PCDH15: variants seen among roughly 807,000 people sequenced by gnomAD.
The protein encoded by PCDH15 is protocadherin-15.
A neutral mutation model predicts 178.5 loss-of-function variants in PCDH15; 129 were observed. That is an observed-to-expected ratio of 0.72 (90% CI 0.63 to 0.84). The LOEUF (loss-of-function observed/expected upper bound fraction) is 0.84. PCDH15 is among the 40% of genes least tolerant of loss of function. The probability of loss-of-function intolerance (pLI) is 0.00; values close to 1 mark genes in which losing one functional copy is unlikely to be tolerated. For synonymous variants in PCDH15, 800 were observed against 732.0 expected (o/e 1.09, Z -1.50); for missense variants, 2,230 against 2,099.9 (o/e 1.06, Z -1.21).
intron 1 of PCDH15, among the ~76,000 whole-genome samples, chr10:55,299,484 G>A (rs1466525259): frequency 6.6e-6 from 1 of 152,158 alleles, no homozygotes; most frequent in Non-Finnish European, 1.5e-5. Context: ...TGTTGACCTG[G>A]TTAATAGAAT....
intron 3 of PCDH15, among the ~76,000 whole-genome samples, chr10:54,411,472 T>G (rs150494111): frequency 1.3e-5 from 2 of 152,304 alleles, no homozygotes; most frequent in African/African-American, 4.8e-5. Flanking sequence ...TGAATCACAA[T>G]TCTATCAGTC....
intron 3 of PCDH15, among the ~76,000 whole-genome samples, chr10:54,425,567 G>T (rs907009339): frequency 5.9e-5 from 9 of 152,126 alleles, no homozygotes; most frequent in African/African-American, 2.2e-4. Flanking sequence ...GTCTTATCCT[G>T]AACTTTGTAA....
At chr10:54,712,694 CT>C (rs1204997834) in intron 1 of PCDH15, among the ~76,000 whole-genome samples, 5 of 151,892 alleles carry the variant, frequency 3.3e-5, no homozygotes, top group Non-Finnish European at 5.9e-5. Flanking sequence ...ACATTCTAAA[CT>C]AGAATTGGAG....
intron 1 of PCDH15, among the ~76,000 whole-genome samples, chr10:55,188,912 C>G (rs1030157429): frequency 6.6e-6 from 1 of 151,482 alleles, no homozygotes; most frequent in African/African-American, 2.4e-5. Flanking sequence ...ATTTTAGAAA[C>G]AGTTACATGG....
chr10:55,311,402 TG>T (rs1312915164), intron 1 of PCDH15, among the ~76,000 whole-genome samples: 1 of 152,180 alleles, frequency 6.6e-6, no homozygotes, highest in East Asian at 1.9e-4. Context: ...GCGGTGACTG[TG>T]GAACCTTGAT....
At chr10:54,595,768 A>G (rs2092200990) in intron 2 of PCDH15, among the ~76,000 whole-genome samples, 1 of 152,194 alleles carries the variant, frequency 6.6e-6, no homozygotes, top group African/African-American at 2.4e-5. Flanking sequence ...ACAAACAAAC[A>G]AAAAACATAA....
At chr10:55,336,143 A>AAAAAAAC (rs1844384942) in intron 2 of PCDH15, among the ~76,000 whole-genome samples, 2 of 149,854 alleles carry the variant, frequency 1.3e-5, no homozygotes, top group African/African-American at 4.9e-5. Context: ...AAAAAAAAAA[A>AAAAAAAC]AAAAAAAAAA....
At chr10:54,732,523 G>A (rs960497655) in intron 1 of PCDH15, among the ~76,000 whole-genome samples, 4 of 151,540 alleles carry the variant, frequency 2.6e-5, no homozygotes, top group Non-Finnish European at 5.9e-5. Context: ...CATATATTTA[G>A]TCAAGCAATT....
intron 2 of PCDH15, among the ~76,000 whole-genome samples, chr10:55,378,664 T>C (rs753340938): frequency 2.6e-5 from 4 of 152,118 alleles, no homozygotes; most frequent in Non-Finnish European, 4.4e-5. Flanking sequence ...CATTCCTCAA[T>C]TCAACAGTTT....
chr10:53,950,942 C>G (rs1193831480), intron 23 of PCDH15, among the ~76,000 whole-genome samples: 1 of 152,012 alleles, frequency 6.6e-6, no homozygotes, highest in Non-Finnish European at 1.5e-5. Flanking sequence ...TCTTCAACTA[C>G]AGGAAGCACA....
intron 2 of PCDH15, among the ~76,000 whole-genome samples, chr10:55,078,227 C>A (rs1335143363): frequency 6.6e-6 from 1 of 152,046 alleles, no homozygotes; most frequent in Non-Finnish European, 1.5e-5. Context: ...AGATGATTTT[C>A]TCTTGCTAGT....
rs886888367 is a variant in PCDH15, at chr10:55,176,845, C to T, written c.-155-10194G>A. Among the ~76,000 whole-genome samples the T allele has an allele frequency of 2.0e-5, 3 of 152,144 alleles. No homozygotes were observed. In the South Asian group the frequency reaches 6.2e-4, roughly 31 times the overall value. On this transcript the variant is annotated intron_variant, in intron 1 of 5. Transcript: ENST00000458638. ...TCTTTGCATTCGAGGATCCTTGCAA[C>T]CAGACTACCCAGCTAACTTGGATGG...
At chr10:55,582,596 G>GTATATATATATA (rs56817323) in intron 2 of PCDH15, among the ~76,000 whole-genome samples, 79 of 90,284 alleles carry the variant, frequency 8.8e-4, no homozygotes, top group Non-Finnish European at 1.2e-3. Flanking sequence ...ATGTGTATGT[G>GTATATATATATA]TATATATATA....
chr10:55,173,338 TG>T (rs61445758), intron 1 of PCDH15, among the ~76,000 whole-genome samples: 2,375 of 150,296 alleles, frequency 0.016, 50 homozygotes, highest in African/African-American at 0.044. Context: ...TGTGTGTGTG[TG>T]TGTGTGTATG....
At chr10:54,448,451 A>G (rs540779979) in intron 3 of PCDH15, among the ~76,000 whole-genome samples, 1 of 151,668 alleles carries the variant, frequency 6.6e-6, no homozygotes, top group Non-Finnish European at 1.5e-5. Flanking sequence ...CAGTATTCAA[A>G]TGTTCCATTT....
chr10:53,909,717 G>A (rs1026523024), intron 25 of PCDH15, among the ~76,000 whole-genome samples: 1 of 152,130 alleles, frequency 6.6e-6, no homozygotes, highest in Non-Finnish European at 1.5e-5. Flanking sequence ...CATCACCCAG[G>A]AAGCAAAAGG....
intron 21 of PCDH15, among the ~76,000 whole-genome samples, chr10:53,968,238 G>A (rs1451641019): frequency 6.6e-6 from 1 of 152,174 alleles, no homozygotes; most frequent in Non-Finnish European, 1.5e-5. Flanking sequence ...CCACACCCAT[G>A]AAGCCTCACT....
intron 2 of PCDH15, among the ~76,000 whole-genome samples, chr10:54,930,376 C>A (rs371177380): frequency 6.6e-6 from 1 of 152,226 alleles, no homozygotes; most frequent in African/African-American, 2.4e-5. Flanking sequence ...CCCTCTCTTT[C>A]GCAGGAGACA....
chr10:54,061,311 C>T (rs535055820), intron 18 of PCDH15, among the ~76,000 whole-genome samples: 1 of 152,282 alleles, frequency 6.6e-6, no homozygotes, highest in South Asian at 2.1e-4. Context: ...GTGAAATACT[C>T]TCAAGGATAC....
Sources: allele counts gnomAD v4.1 joint callset (sites outside exome capture counted in the v4.1 genomes callset), GRCh38; gene constraint gnomAD v4.1.1; transcripts MANE v1.5; gene names NCBI Gene and HGNC (gene_info 2026-07-23, HGNC 2026-07-21).